ANKHD1: variants seen among roughly 807,000 people sequenced by gnomAD.
ANKHD1 encodes the protein ankyrin repeat and KH domain containing 1, also known as ankyrin repeat and KH domain-containing protein 1.
ANKHD1 carries 31 observed loss-of-function variants against 230.5 expected under a neutral mutation model. The observed-to-expected ratio is 0.13, with a 90% CI of 0.10 to 0.18. ANKHD1 has a LOEUF of 0.18. Ranked by LOEUF, ANKHD1 falls within the 10% of genes least tolerant of loss-of-function variation. ANKHD1 has a pLI of 1.00. For synonymous variants in ANKHD1, 1,074 were observed against 1,117.6 expected (o/e 0.96, Z 0.78); for missense variants, 2,256 against 3,071.3 (o/e 0.73, Z 6.27).
At position 140,539,426 on chromosome 5, in the gene ANKHD1, G is replaced by A. The variant is rs569318314; in HGVS notation, c.*8G>A. 11 of 1,613,276 alleles carry A rather than the reference G, an allele frequency of 6.8e-6. 1 individual carries two copies. The South Asian group carries it at 7.7e-5, about 11-fold the overall frequency. On this transcript the variant is annotated 3_prime_UTR_variant, in exon 34 of 34. Coordinates refer to ENST00000360839, the MANE Select transcript of ANKHD1 (RefSeq NM_017747.3). Reference sequence around the variant, plus strand: ...CTCAAATATGTCAACTAAGTTAGAAGGTCTTTACTCTTTAGCCTTGTTTAA... The same window carrying A: ...CTCAAATATGTCAACTAAGTTAGAAAGTCTTTACTCTTTAGCCTTGTTTAA...
At chr5:140,500,764 T>C (rs140482069) in intron 15 of ANKHD1, among the ~76,000 whole-genome samples, 4 of 152,082 alleles carry the variant, frequency 2.6e-5, no homozygotes, top group Non-Finnish European at 5.9e-5. Context: ...AGATGTAATA[T>C]GCATGCATAT....
intron 14 of ANKHD1, 54 bp from the exon 15 acceptor site, chr5:140,496,443 CTTTTTTTTTTTTCTTTTCTTTTT>C: frequency 2.8e-6 from 2 of 718,954 alleles, no homozygotes; most frequent in South Asian, 3.2e-5. Context: ...GGCTGGTTTT[CTTTTTTTTTTTTCTTTTCTTTTT>C]TTTTTTTTTT....
At chr5:140,419,732 TTC>T (rs1303610162) in intron 1 of ANKHD1, among the ~76,000 whole-genome samples, 10 of 151,816 alleles carry the variant, frequency 6.6e-5, no homozygotes, top group South Asian at 2.1e-4. Flanking sequence ...TTTTCTTTCT[TTC>T]TCTCTCTCTT....
At position 140,529,371 on chromosome 5, in the gene ANKHD1, C is replaced by T. The variant is rs1023375357; in HGVS notation, c.6425C>T (p.Ser2142Phe). The T allele has an allele frequency of 2.5e-6, 4 of 1,614,066 alleles. No individual in the cohort carries two copies. The Admixed American group carries it at 6.7e-5, about 27-fold the overall frequency. The change falls in exon 29 of 34, where the codon TCT (serine) becomes TTT (phenylalanine). Residue 2142 changes from serine (S) to phenylalanine (F), a missense_variant. This residue lies in a region of ANKHD1 where 778 missense variants were observed against 966.5 expected (regional missense o/e 0.80). Transcript: ENST00000360839. ...TCTCATCGAATGCAGCCCAGAGGTT[C>T]TTTTTACTCCATGGTACCAAATGCA... Reference protein sequence around the residue: ...RVSHRMQPRGSFYSMVPNATI... With the variant: ...RVSHRMQPRGFFYSMVPNATI...
At chr5:140,459,913 G>GTC (rs2126969489) in intron 9 of ANKHD1, among the ~76,000 whole-genome samples, 1 of 152,188 alleles carries the variant, frequency 6.6e-6, no homozygotes, top group East Asian at 1.9e-4. Context: ...AGACTCCTAA[G>GTC]TCTCTAAAAC....
intron 24 of ANKHD1, among the ~76,000 whole-genome samples, chr5:140,519,228 A>G (rs1011172502): frequency 4.3e-4 from 65 of 152,250 alleles, no homozygotes; most frequent in Middle Eastern, 3.4e-3. Context: ...CAAGGGATGT[A>G]AAGGACCTCT....
intron 2 of ANKHD1, among the ~76,000 whole-genome samples, chr5:140,436,671 T>G (rs1006581930): frequency 3.3e-5 from 5 of 150,390 alleles, no homozygotes; most frequent in African/African-American, 1.2e-4. Flanking sequence ...GCTTGAACCC[T>G]AGAGGGGGAG....
chr5:140,419,455 T>TA (rs1771691825), intron 1 of ANKHD1, among the ~76,000 whole-genome samples: 2 of 87,902 alleles, frequency 2.3e-5, no homozygotes, highest in African/African-American at 6.8e-5. Flanking sequence ...TCTTTCTTTC[T>TA]TTTTTTTTTT....
intron 1 of ANKHD1, among the ~76,000 whole-genome samples, chr5:140,425,910 CT>C (rs955516121): frequency 3.9e-5 from 6 of 152,086 alleles, no homozygotes; most frequent in Non-Finnish European, 8.8e-5. Context: ...CTGGCCCATC[CT>C]TTTTGCTGTT....
intron 6 of ANKHD1, 152 bp from the exon 7 acceptor site, chr5:140,449,059 G>T: frequency 1.3e-6 from 1 of 757,982 alleles, no homozygotes; most frequent in Non-Finnish European, 2.0e-6. Context: ...GCTTTGAATG[G>T]GCTTTGTAAA....
intron 10 of ANKHD1, among the ~76,000 whole-genome samples, chr5:140,473,349 C>G (rs908108483): frequency 6.6e-6 from 1 of 152,038 alleles, no homozygotes; most frequent in Non-Finnish European, 1.5e-5. Flanking sequence ...ATTCTAAACC[C>G]CTCTTAATCA....
In ANKHD1 at chr5:140,464,761, A is replaced by T. The variant is rs201734993; in HGVS notation, c.1767A>T (p.Gln589His). Residue 589 changes from glutamine (Q) to histidine (H), a missense_variant, in exon 10 of 34, where the codon CAA (glutamine) becomes CAT (histidine). Physicochemically the swap from Gln to His is conservative, Grantham distance 24. Coordinates refer to ENST00000360839, the MANE Select transcript of ANKHD1 (RefSeq NM_017747.3). ...GHTDVADVLL[Q>H]AGADLEHESE... ...CGGATGTTGCAGATGTTTTACTTCA[A>T]GCAGGGGCTGATTTAGTAAGATATT... The T allele has an allele frequency of 6.2e-7, 1 of 1,603,960 alleles. No individual in the cohort carries two copies. Among genetic ancestry groups the T allele is most frequent in the East Asian group, 2.2e-5 (1 of 44,674 alleles).
intron 10 of ANKHD1, among the ~76,000 whole-genome samples, chr5:140,478,805 C>T (rs1248670307): frequency 6.6e-6 from 1 of 151,404 alleles, no homozygotes; most frequent in Admixed American, 6.6e-5. Flanking sequence ...CCACCTTGCC[C>T]AGCTAATTTT....
chr5:140,472,183 A>C (rs1776538600), intron 10 of ANKHD1: 1 of 1,529,434 alleles, frequency 6.5e-7, no homozygotes, highest in Admixed American at 1.7e-5. Flanking sequence ...TTCATGGCCA[A>C]ATGTGATTTT....
At chr5:140,508,093 A>T in intron 20 of ANKHD1, 95 bp downstream of exon 20, 1 of 1,429,896 alleles carries the variant, frequency 7.0e-7, no homozygotes, top group Non-Finnish European at 9.3e-7. Context: ...TTAAATTATC[A>T]TAAATTAAAA....
chr5:140,479,865 A>T (rs948338946), intron 10 of ANKHD1, among the ~76,000 whole-genome samples: 42 of 150,576 alleles, frequency 2.8e-4, no homozygotes, highest in African/African-American at 8.7e-4. Flanking sequence ...CAATAATGGG[A>T]ATATATATGT....
Position 140,537,427 on chromosome 5 carries a change from G to T in ANKHD1, c.7066G>T (p.Val2356Phe). The change falls in exon 31 of 34, where the codon GTC becomes TTC. Residue 2356 changes from valine (V) to phenylalanine (F), a missense_variant. Around this residue, in one of 13 missense-constraint regions of ANKHD1, gnomAD observed 778 missense variants for 966.5 expected, o/e 0.80. Coordinates refer to ENST00000360839, the MANE Select transcript of ANKHD1 (RefSeq NM_017747.3). ...APPTLGQPKG[V>F]SASQDRKIPP... Reference sequence around the variant, plus strand: ...ACCAACGTTGGGCCAACCAAAAGGAGTCAGTGCCAGTCAAGATCGAAAGAT... The same window carrying T: ...ACCAACGTTGGGCCAACCAAAAGGATTCAGTGCCAGTCAAGATCGAAAGAT... 1.2e-6 allele frequency: 2 copies of T among 1,614,148 alleles called. No homozygotes were observed. The highest frequency in any genetic ancestry group is 2.2e-5 in the South Asian group (2 of 91,076).
intron 15 of ANKHD1, among the ~76,000 whole-genome samples, chr5:140,502,863 C>G (rs1287283302): frequency 6.6e-6 from 1 of 151,970 alleles, no homozygotes; most frequent in African/African-American, 2.4e-5. Flanking sequence ...GTGAAACAAA[C>G]ATATGTAATA....
At chr5:140,514,735 C>T (rs1210865022) in intron 24 of ANKHD1, among the ~76,000 whole-genome samples, 1 of 152,120 alleles carries the variant, frequency 6.6e-6, no homozygotes, top group African/African-American at 2.4e-5. Flanking sequence ...TTTTGGGAGG[C>T]CTAGGCTAGA....
Sources: allele counts gnomAD v4.1 joint callset (sites outside exome capture counted in the v4.1 genomes callset), GRCh38; gene constraint gnomAD v4.1.1; regional missense constraint gnomAD v4.1.1; transcripts MANE v1.5; gene names NCBI Gene and HGNC (gene_info 2026-07-23, HGNC 2026-07-21).